Variants in PCDHA8 observed in about 807,000 individuals in gnomAD.
PCDHA8 encodes the protein protocadherin alpha-8.
Under a neutral mutation model 61.8 loss-of-function variants are expected in PCDHA8, and 53 were observed. The ratio of observed to expected loss-of-function variants is 0.86; its 90% CI spans 0.69 to 1.08. PCDHA8 has a LOEUF of 1.08. Ranked by LOEUF, PCDHA8 falls within the 50% of genes least tolerant of loss-of-function variation. The pLI is 0.00. For missense variants in PCDHA8, 1,293 were observed against 1,245.0 expected (o/e 1.04, Z -0.58); for synonymous variants, 618 against 556.6 (o/e 1.11, Z -1.55).
At chr5:140,954,832 A>G (rs2095096599) in intron 1 of PCDHA8, among the ~76,000 whole-genome samples, 1 of 152,208 alleles carries the variant, frequency 6.6e-6, no homozygotes, top group Admixed American at 6.5e-5. Flanking sequence ...CACTTTTGTC[A>G]TGAAATCTTT....
At position 140,953,007 on chromosome 5, in the gene PCDHA8, T is replaced by C. The variant is rs186896706; in HGVS notation, c.2395-25942T>C. ...TCTCATGAGAACTCTCTCACTATTA[T>C]GAGAACAACATTAAGGGGGAAATCC... On this transcript the variant is annotated intron_variant, in intron 1 of 3. Transcript: ENST00000531613. 5.5e-4 allele frequency among the ~76,000 whole-genome samples: 84 copies of C among 152,242 alleles called. 1 individual carries two copies. In the East Asian group the frequency reaches 0.015, roughly 27 times the overall value.
At chr5:140,897,187 TA>T (rs1554187233) in intron 1 of PCDHA8, among the ~76,000 whole-genome samples, 7 of 152,166 alleles carry the variant, frequency 4.6e-5, no homozygotes, top group Non-Finnish European at 1.0e-4. Context: ...TCAAAAAATA[TA>T]TTTTTTTATT....
chr5:140,841,780 G>T lies in PCDHA8; in HGVS notation c.459G>T (p.Pro153=). Residue 153 remains proline (P), a synonymous_variant, in exon 1 of 4, where the codon CCG becomes CCT. Transcript: ENST00000531613. ...SESRMPDSRF[P]LEGASDADVG... is the part of the protein sequence containing the mutation. Reference sequence around the variant, plus strand: ...CCAGAATGCCAGACTCTCGGTTTCCGCTAGAGGGCGCGTCCGATGCAGATG... The same window carrying T: ...CCAGAATGCCAGACTCTCGGTTTCCTCTAGAGGGCGCGTCCGATGCAGATG... 6.2e-7 allele frequency: 1 copy of T among 1,613,894 alleles called. No homozygotes were observed. The highest frequency in any genetic ancestry group is 1.1e-5 in the South Asian group (1 of 91,076).
At chr5:140,875,935 G>A (rs781964808) in intron 1 of PCDHA8, 14 of 1,614,210 alleles carry the variant, frequency 8.7e-6, no homozygotes, top group African/African-American at 1.3e-5. Flanking sequence ...TTTTCCTCTA[G>A]AGGGCGCTTC....
At chr5:140,858,001 G>A in intron 1 of PCDHA8, 1 of 1,597,108 alleles carries the variant, frequency 6.3e-7, no homozygotes, top group East Asian at 2.2e-5. Flanking sequence ...TGCTGGTGAA[G>A]GACCATGGCG....
At chr5:140,921,958 A>G (rs155363) in intron 1 of PCDHA8, among the ~76,000 whole-genome samples, 87,659 of 151,706 alleles carry the variant, frequency 0.58, 26,267 homozygotes, top group African/African-American at 0.75. Flanking sequence ...AAATCCCAGA[A>G]AACCAAAGGA....
intron 3 of PCDHA8, among the ~76,000 whole-genome samples, chr5:140,987,890 C>T (rs1554249653): frequency 1.3e-5 from 2 of 152,020 alleles, no homozygotes; most frequent in African/African-American, 4.8e-5. Flanking sequence ...TTTATGTGCC[C>T]TAGTTTTATA....
At chr5:140,854,315 C>A in intron 1 of PCDHA8, 1 of 280,416 alleles carries the variant, frequency 3.6e-6, no homozygotes, top group South Asian at 1.3e-4. Context: ...GATGATTGAT[C>A]AATGGCAAAC....
chr5:140,988,551 ATCT>A (rs1472655983), intron 3 of PCDHA8, among the ~76,000 whole-genome samples: 4 of 152,158 alleles, frequency 2.6e-5, no homozygotes, highest in South Asian at 2.1e-4. Flanking sequence ...GACTTTCTTC[ATCT>A]TCTTCTTGGG....
chr5:140,924,715 C>A (rs1258622619), intron 1 of PCDHA8, among the ~76,000 whole-genome samples: 3 of 151,692 alleles, frequency 2.0e-5, no homozygotes, highest in Non-Finnish European at 4.4e-5. Flanking sequence ...TGCAACATGG[C>A]GAAACCTCAC....
chr5:140,961,326 G>T (rs1450202899), intron 1 of PCDHA8, among the ~76,000 whole-genome samples: 1 of 152,154 alleles, frequency 6.6e-6, no homozygotes, highest in Admixed American at 6.5e-5. Flanking sequence ...TCTGTTTCTT[G>T]AGAGACCAAG....
At chr5:140,878,225 A>G (rs1554170330) in intron 1 of PCDHA8, 1 of 156,262 alleles carries the variant, frequency 6.4e-6, no homozygotes, top group Non-Finnish European at 1.4e-5. Context: ...CCTAGATCCC[A>G]TTAATGGATT....
Position 140,843,241 on chromosome 5 carries a change from G to A in PCDHA8, c.1920G>A (p.Ala640=), listed in dbSNP as rs2150355764. ...GCACCACTCGTGTCCTGGACGAAGC[G>A]GACTCTCCGCGCCACCGTCTGCTGG... The part of the protein sequence containing the change: ...EISTTRVLDE[A]DSPRHRLLVL... Residue 640 remains alanine, a synonymous_variant, in exon 1 of 4, where the codon GCG becomes GCA. Transcript: ENST00000531613. 3.1e-6 allele frequency: 5 copies of A among 1,595,826 alleles called. 1 individual carries two copies. The highest frequency in any genetic ancestry group is 2.7e-5 in the African/African-American group (2 of 74,416).
chr5:140,971,452 T>G (rs1554233345), intron 1 of PCDHA8, among the ~76,000 whole-genome samples: 1 of 152,088 alleles, frequency 6.6e-6, no homozygotes, highest in Admixed American at 6.5e-5. Context: ...CTCCAGAAAT[T>G]TTTGCAGTTA....
intron 1 of PCDHA8, chr5:140,884,487 T>C (rs374963144): frequency 6.2e-7 from 1 of 1,613,832 alleles, no homozygotes; most frequent in African/African-American, 1.3e-5. Flanking sequence ...CCCACTCTAG[T>C]GTGCTCCAGC....
chr5:140,869,722 G>A, intron 1 of PCDHA8: 2 of 1,613,324 alleles, frequency 1.2e-6, no homozygotes, highest in Non-Finnish European at 1.7e-6. Flanking sequence ...GAAAACTCCG[G>A]AACTTAATTT....
chr5:140,926,763 C>T, intron 1 of PCDHA8: 1 of 1,327,892 alleles, frequency 7.5e-7, no homozygotes, highest in African/African-American at 1.5e-5. Flanking sequence ...GCTGAGTATC[C>T]AGCCCGCAGC....
intron 1 of PCDHA8, among the ~76,000 whole-genome samples, chr5:140,957,275 C>T (rs1203444899): frequency 6.6e-6 from 1 of 152,158 alleles, no homozygotes; most frequent in African/African-American, 2.4e-5. Flanking sequence ...CTAGTCCCCC[C>T]TTACCTGCAG....
intron 1 of PCDHA8, chr5:140,858,267 C>G: frequency 6.3e-7 from 1 of 1,597,232 alleles, no homozygotes; most frequent in Non-Finnish European, 8.6e-7. Context: ...CTGGTGTGCT[C>G]TAGCGCGGTG....
Sources: allele counts gnomAD v4.1 joint callset (sites outside exome capture counted in the v4.1 genomes callset), GRCh38; gene constraint gnomAD v4.1.1; transcripts MANE v1.5; gene names NCBI Gene and HGNC (gene_info 2026-07-23, HGNC 2026-07-21).